PSD3: variants seen among roughly 807,000 people sequenced by gnomAD.
PSD3 encodes PH and SEC7 domain-containing protein 3.
Under a neutral mutation model 105.5 loss-of-function variants are expected in PSD3, and 49 were observed. That is an observed-to-expected ratio of 0.46 (90% confidence interval 0.37 to 0.59). The LOEUF (loss-of-function observed/expected upper bound fraction) is 0.59, where lower values mean the gene tolerates loss of function less well. Ranked by LOEUF, PSD3 falls within the 20% of genes least tolerant of loss-of-function variation. PSD3 has a pLI of 0.00. For synonymous variants in PSD3, 557 were observed against 457.8 expected (o/e 1.22, Z -2.77); for missense variants, 1,561 against 1,263.8 (o/e 1.24, Z -3.57).
intron 9 of PSD3, among the ~76,000 whole-genome samples, chr8:18,738,370 T>C (rs1804309421): frequency 6.6e-6 from 1 of 152,150 alleles, no homozygotes; most frequent in Admixed American, 6.5e-5. Flanking sequence ...GGAAGGTTCA[T>C]CAAGATCATC....
intron 11 of PSD3, among the ~76,000 whole-genome samples, chr8:18,623,186 C>A (rs950235351): frequency 6.6e-6 from 1 of 151,924 alleles, no homozygotes; most frequent in Non-Finnish European, 1.5e-5. Flanking sequence ...TGTCTGGTCA[C>A]CGTTTTCTGT....
chr8:18,770,043 G>C (rs1162470553), intron 8 of PSD3, among the ~76,000 whole-genome samples: 2 of 152,134 alleles, frequency 1.3e-5, no homozygotes, highest in East Asian at 3.9e-4. Context: ...ATTCATTTAA[G>C]GAACTGCCAG....
Position 18,936,171 on chromosome 8 carries a change from A to C in PSD3, c.22-29T>G, listed in dbSNP as rs747582301. Reference sequence around the variant, plus strand: ...CAAAATAAGAACAAAACAAAGACACATTTAAAATACATCATTAAAAAACAC... The same window carrying C: ...CAAAATAAGAACAAAACAAAGACACCTTTAAAATACATCATTAAAAAACAC... On this transcript the variant is annotated intron_variant, in intron 1 of 15. Coordinates refer to ENST00000327040, the MANE Select transcript of PSD3 (RefSeq NM_015310.4). 4 of 1,454,720 alleles carry C rather than the reference A, an allele frequency of 2.7e-6. No individual in the cohort carries two copies. In the African/African-American group the frequency reaches 5.6e-5, roughly 20 times the overall value. 90.1% of individuals were successfully genotyped at this position (1,454,720 alleles called of 1,614,324 possible).
intron 2 of PSD3, among the ~76,000 whole-genome samples, chr8:18,925,320 A>C (rs751644991): frequency 1.1e-4 from 16 of 152,086 alleles, no homozygotes; most frequent in African/African-American, 3.9e-4. Flanking sequence ...ACTTGAGCCC[A>C]GGAGTTCAAG....
chr8:19,019,716 T>C (rs749743775), intron 1 of PSD3, among the ~76,000 whole-genome samples: 1 of 152,166 alleles, frequency 6.6e-6, no homozygotes, highest in African/African-American at 2.4e-5. Context: ...CATGATATGC[T>C]TGGATTTCAA....
intron 8 of PSD3, among the ~76,000 whole-genome samples, chr8:18,796,812 T>C (rs1180871032): frequency 6.6e-6 from 1 of 152,186 alleles, no homozygotes; most frequent in Non-Finnish European, 1.5e-5. Context: ...AATGGTTGAT[T>C]AGTGTATTCC....
chr8:18,658,548 G>A (rs1339831787), intron 9 of PSD3, among the ~76,000 whole-genome samples: 1 of 149,448 alleles, frequency 6.7e-6, no homozygotes, highest in African/African-American at 2.5e-5. Flanking sequence ...TTTGAGACAG[G>A]GTCTTGCTTG....
chr8:18,875,691 A>G (rs574378154), intron 2 of PSD3, among the ~76,000 whole-genome samples: 41 of 152,080 alleles, frequency 2.7e-4, no homozygotes, highest in African/African-American at 9.6e-4. Flanking sequence ...GCCCATCACC[A>G]TGCCTGGCTA....
chr8:18,961,022 A>G (rs937208081), intron 1 of PSD3, among the ~76,000 whole-genome samples: 4 of 152,094 alleles, frequency 2.6e-5, no homozygotes, highest in Non-Finnish European at 5.9e-5. Flanking sequence ...AGGGAGGTCG[A>G]TGCTGCAGTG....
intron 4 of PSD3, among the ~76,000 whole-genome samples, chr8:18,836,082 T>C (rs143454348): frequency 2.1e-4 from 32 of 152,264 alleles, no homozygotes; most frequent in African/African-American, 7.0e-4. Flanking sequence ...ATTTTGAAGG[T>C]AGAGCTGACC....
chr8:18,991,373 T>TACACACACACACC (rs1825791756), intron 1 of PSD3, among the ~76,000 whole-genome samples: 1 of 100,008 alleles, frequency 1.0e-5, no homozygotes, highest in East Asian at 2.8e-4. Flanking sequence ...CACACACACA[T>TACACACACACACC]ACACACACAC....
intron 9 of PSD3, among the ~76,000 whole-genome samples, chr8:18,709,128 C>T (rs765739433): frequency 5.3e-5 from 8 of 152,130 alleles, no homozygotes; most frequent in Non-Finnish European, 7.4e-5. Context: ...GGGTGGCTGC[C>T]ATCACTGTGG....
chr8:18,841,265 A>C, intron 4 of PSD3, among the ~76,000 whole-genome samples: 1 of 152,148 alleles, frequency 6.6e-6, no homozygotes. Flanking sequence ...ATGCTCAGGC[A>C]CTGCGTGGAA....
intron 1 of PSD3, among the ~76,000 whole-genome samples, chr8:19,030,985 C>T (rs530978228): frequency 8.5e-5 from 13 of 152,298 alleles, no homozygotes; most frequent in African/African-American, 3.1e-4. Flanking sequence ...ATCTCAATTT[C>T]CTCCTAGGCA....
intron 12 of PSD3, among the ~76,000 whole-genome samples, chr8:18,587,967 C>T (rs942364182): frequency 2.0e-5 from 3 of 152,150 alleles, no homozygotes; most frequent in African/African-American, 7.2e-5. Context: ...ACGGATTAAC[C>T]AGCAGTGGGA....
At chr8:18,607,309 T>C (rs540970223) in intron 11 of PSD3, among the ~76,000 whole-genome samples, 143 of 152,306 alleles carry the variant, frequency 9.4e-4, no homozygotes, top group African/African-American at 3.2e-3. Flanking sequence ...TTACTAATAA[T>C]TACAGAAGTA....
At chr8:18,874,086 A>T (rs1414640003) in intron 2 of PSD3, among the ~76,000 whole-genome samples, 1 of 152,112 alleles carries the variant, frequency 6.6e-6, no homozygotes, top group Non-Finnish European at 1.5e-5. Context: ...ACCCTCATCT[A>T]TGCTGGAAAT....
At chr8:18,656,092 C>G (rs1199550875) in intron 9 of PSD3, among the ~76,000 whole-genome samples, 2 of 152,140 alleles carry the variant, frequency 1.3e-5, no homozygotes, top group African/African-American at 4.8e-5. Flanking sequence ...GAGTCTCACT[C>G]CATTGCCCAG....
chr8:18,944,730 A>T (rs188238048), intron 1 of PSD3, among the ~76,000 whole-genome samples: 5 of 152,256 alleles, frequency 3.3e-5, no homozygotes, highest in Admixed American at 2.0e-4. Flanking sequence ...TCAATTTATA[A>T]TTTTATTTAT....
Sources: gnomAD v4.1 joint callset for allele counts (sites outside exome capture counted in the v4.1 genomes callset) on GRCh38, gnomAD v4.1.1 for gene constraint, MANE v1.5 for transcripts, NCBI Gene and HGNC (gene_info 2026-07-23, HGNC 2026-07-21) for gene names.